The following DGKI variants were observed in gnomAD, a reference collection of about 807,000 sequenced individuals.
DGKI encodes the protein DAG kinase iota.
A neutral mutation model predicts 147.5 loss-of-function variants in DGKI; 55 were observed. That is an observed-to-expected ratio of 0.37 (90% CI 0.30 to 0.47). The LOEUF (loss-of-function observed/expected upper bound fraction) is 0.47. Ranked by LOEUF, DGKI falls within the 20% of genes least tolerant of loss-of-function variation. The pLI, the probability that DGKI is intolerant of heterozygous loss-of-function variation, is 1.00. For synonymous variants in DGKI, 469 were observed against 477.1 expected, an observed-to-expected ratio of 0.98 and a Z score of 0.22; for missense variants, 1,007 against 1,323.8, an observed-to-expected ratio of 0.76 and a Z score of 3.71.
intron 27 of DGKI, among the ~76,000 whole-genome samples, chr7:137,445,411 G>A (rs766495471): frequency 2.0e-5 from 3 of 152,132 alleles, no homozygotes; most frequent in African/African-American, 7.2e-5. Flanking sequence ...GATGGACATG[G>A]GGGTGGTGAG....
At chr7:137,501,291 T>C (rs779828467) in intron 21 of DGKI, among the ~76,000 whole-genome samples, 71 of 152,212 alleles carry the variant, frequency 4.7e-4, no homozygotes, top group Non-Finnish European at 1.0e-3. Context: ...AGGTTGCTTC[T>C]GCATCTTGAC....
intron 1 of DGKI, among the ~76,000 whole-genome samples, chr7:137,780,874 C>T (rs968078200): frequency 6.6e-6 from 1 of 152,202 alleles, no homozygotes; most frequent in Non-Finnish European, 1.5e-5. Context: ...TGAGAGTCCA[C>T]AACCCTTCAA....
intron 21 of DGKI, among the ~76,000 whole-genome samples, chr7:137,497,605 T>C (rs539464324): frequency 1.3e-3 from 201 of 151,958 alleles, no homozygotes; most frequent in African/African-American, 4.7e-3. Flanking sequence ...CAATACTACA[T>C]AGCCATTAAA....
chr7:137,752,026 T>G (rs1265615549), intron 1 of DGKI, among the ~76,000 whole-genome samples: 1 of 152,202 alleles, frequency 6.6e-6, no homozygotes, highest in African/African-American at 2.4e-5. Context: ...CCCAAATACA[T>G]AACTACATAC....
chr7:137,762,219 A>G (rs891830845), intron 1 of DGKI, among the ~76,000 whole-genome samples: 3 of 152,146 alleles, frequency 2.0e-5, no homozygotes, highest in African/African-American at 7.2e-5. Context: ...GTATATCCCA[A>G]ACTTAACTAG....
At chr7:137,689,062 G>A (rs1466903602) in intron 2 of DGKI, among the ~76,000 whole-genome samples, 1 of 152,174 alleles carries the variant, frequency 6.6e-6, no homozygotes, top group East Asian at 1.9e-4. Context: ...CATGGCATGG[G>A]TTACCTTTCC....
At chr7:137,770,743 C>T (rs1395538874) in intron 1 of DGKI, among the ~76,000 whole-genome samples, 3 of 54,840 alleles carry the variant, frequency 5.5e-5, no homozygotes, top group Admixed American at 1.3e-4. Context: ...CCGTTTTAGC[C>T]GGGATGGTCT....
chr7:137,721,164 G>C (rs1034676903), intron 1 of DGKI, among the ~76,000 whole-genome samples: 1 of 152,118 alleles, frequency 6.6e-6, no homozygotes, highest in African/African-American at 2.4e-5. Flanking sequence ...ATTCAGGGAG[G>C]CCTCCACATT....
chr7:137,425,584 G>C (rs887722479), intron 28 of DGKI, among the ~76,000 whole-genome samples: 3 of 152,172 alleles, frequency 2.0e-5, no homozygotes, highest in African/African-American at 7.2e-5. Context: ...GAAGGCTTCA[G>C]ACGATCAAAT....
chr7:137,835,244 T>G (rs1798337311), intron 1 of DGKI, among the ~76,000 whole-genome samples: 1 of 152,212 alleles, frequency 6.6e-6, no homozygotes, highest in Non-Finnish European at 1.5e-5. Flanking sequence ...AGCAGTATTT[T>G]CTGGAGACTT....
intron 1 of DGKI, among the ~76,000 whole-genome samples, chr7:137,805,792 T>C (rs1797347292): frequency 6.6e-6 from 1 of 152,236 alleles, no homozygotes; most frequent in African/African-American, 2.4e-5. Context: ...TGGAAATACC[T>C]TAGAGATCAC....
intron 15 of DGKI, among the ~76,000 whole-genome samples, chr7:137,578,749 A>G (rs1819075047): frequency 6.6e-6 from 1 of 152,198 alleles, no homozygotes; most frequent in Non-Finnish European, 1.5e-5. Flanking sequence ...CTGAGATAAC[A>G]GGAAAAGGTG....
chr7:137,482,449 C>T (rs1266759466), intron 23 of DGKI, among the ~76,000 whole-genome samples: 1 of 151,906 alleles, frequency 6.6e-6, no homozygotes, highest in African/African-American at 2.4e-5. Flanking sequence ...TAGTTTTAAG[C>T]ACCATTCATC....
chr7:137,483,097 C>A (rs1405164158), intron 23 of DGKI, among the ~76,000 whole-genome samples: 1 of 151,996 alleles, frequency 6.6e-6, no homozygotes, highest in Non-Finnish European at 1.5e-5. Flanking sequence ...TATTACCAAA[C>A]AATACATGCA....
intron 16 of DGKI, among the ~76,000 whole-genome samples, 167 bp downstream of exon 16, chr7:137,578,103 A>G (rs532948599): frequency 6.6e-6 from 1 of 152,332 alleles, no homozygotes; most frequent in African/African-American, 2.4e-5. Flanking sequence ...CTTAAGAAAT[A>G]CACCTCACTT....
At chr7:137,514,432 C>G (rs932145501) in intron 21 of DGKI, among the ~76,000 whole-genome samples, 1 of 152,134 alleles carries the variant, frequency 6.6e-6, no homozygotes, top group Non-Finnish European at 1.5e-5. Context: ...CTACTCCAAT[C>G]CAACTACCAA....
intron 3 of DGKI, among the ~76,000 whole-genome samples, chr7:137,660,350 A>G (rs562729605): frequency 6.6e-6 from 1 of 152,342 alleles, no homozygotes; most frequent in Non-Finnish European, 1.5e-5. Flanking sequence ...ACACAATAAT[A>G]TATATGCTAG....
intron 1 of DGKI, among the ~76,000 whole-genome samples, chr7:137,709,081 C>T (rs769612181): frequency 6.6e-6 from 1 of 152,086 alleles, no homozygotes; most frequent in Non-Finnish European, 1.5e-5. Context: ...CCTTCTTTTC[C>T]TCAACTGTAA....
intron 1 of DGKI, among the ~76,000 whole-genome samples, chr7:137,779,285 A>G (rs546409397): frequency 2.0e-5 from 2 of 100,526 alleles, no homozygotes; most frequent in Admixed American, 9.2e-5. Flanking sequence ...GTTCATATGG[A>G]AAAAAAAAGA....
Sources: allele counts gnomAD v4.1 joint callset (sites outside exome capture counted in the v4.1 genomes callset), GRCh38; gene constraint gnomAD v4.1.1; transcripts MANE v1.5; gene names NCBI Gene and HGNC (gene_info 2026-07-23, HGNC 2026-07-21).